COL11A1: variants seen among roughly 807,000 people sequenced by gnomAD.
COL11A1 encodes the protein collagen alpha-1(XI) chain.
In COL11A1, 74 loss-of-function variants were observed where a neutral mutation model predicts 265.2. That is an observed-to-expected ratio of 0.28 (90% CI 0.23 to 0.34). COL11A1 has a LOEUF of 0.34. COL11A1 is among the 10% of genes least tolerant of loss of function. The pLI is 1.00. For missense variants in COL11A1, 2,165 were observed against 2,263.6 expected, an observed-to-expected ratio of 0.96 and a Z score of 0.88; for synonymous variants, 816 against 727.6, an observed-to-expected ratio of 1.12 and a Z score of -1.96.
chr1:102,927,638 G>A (rs911459408), intron 46 of COL11A1, among the ~76,000 whole-genome samples: 4 of 151,150 alleles, frequency 2.6e-5, no homozygotes, highest in Admixed American at 6.6e-5. Context: ...GTGAGACGCC[G>A]TCTCAAAAAA....
At chr1:103,003,604 C>T (rs1051168154) in intron 20 of COL11A1, among the ~76,000 whole-genome samples, 22 of 152,190 alleles carry the variant, frequency 1.4e-4, no homozygotes, top group African/African-American at 5.1e-4. Flanking sequence ...CAGCATCGAA[C>T]ATTATTATTC....
At chr1:103,044,613 T>C (rs79658382) in intron 4 of COL11A1, among the ~76,000 whole-genome samples, 1,845 of 152,266 alleles carry the variant, frequency 0.012, 45 homozygotes, top group African/African-American at 0.042. Flanking sequence ...CAAATAAATT[T>C]AATTAATTAA....
intron 20 of COL11A1, among the ~76,000 whole-genome samples, chr1:103,004,237 A>AT (rs1322219629): frequency 4.6e-5 from 7 of 152,066 alleles, no homozygotes; most frequent in Admixed American, 2.6e-4. Flanking sequence ...CATTCCACAG[A>AT]TTTTTCCCTC....
At chr1:103,053,139 G>A (rs1207516810) in intron 4 of COL11A1, among the ~76,000 whole-genome samples, 1 of 152,110 alleles carries the variant, frequency 6.6e-6, no homozygotes, top group East Asian at 1.9e-4. Context: ...CAGCAAAATA[G>A]AAATCCAAAT....
chr1:103,010,703 ATT>A (rs750645755), intron 14 of COL11A1, among the ~76,000 whole-genome samples: 6 of 144,668 alleles, frequency 4.1e-5, no homozygotes, highest in Admixed American at 1.4e-4. Flanking sequence ...ATATTTGTAA[ATT>A]TTTTTTTTTT....
At chr1:103,066,426 TATATC>T (rs1248943288) in intron 4 of COL11A1, among the ~76,000 whole-genome samples, 4 of 151,676 alleles carry the variant, frequency 2.6e-5, no homozygotes, top group Admixed American at 1.3e-4. Context: ...TAGCAAGAAA[TATATC>T]ATAACATTTT....
intron 57 of COL11A1, among the ~76,000 whole-genome samples, chr1:102,893,443 C>T (rs531450722): frequency 4.2e-4 from 64 of 152,052 alleles, no homozygotes; most frequent in African/African-American, 1.5e-3. Flanking sequence ...GGTATGATAT[C>T]GAGAGCAGTT....
Position 102,912,412 on chromosome 1 carries a change from A to C in COL11A1, c.4033-200T>G, listed in dbSNP as rs11164636. Among the ~76,000 whole-genome samples, 98,388 of 151,944 alleles carry C rather than the reference A, an allele frequency of 0.65. 35,753 individuals carry two copies. Among genetic ancestry groups the C allele is most frequent in the East Asian group, 0.98 (5,073 of 5,168 alleles). On this transcript the variant is annotated intron_variant, in intron 53 of 66. Transcript: ENST00000370096. ...AGAGCTGGTAAATTTAGATGGTAAAATTATTTATAGTTAGAACAAAGTGAA... is the reference window on the plus strand; with the variant it reads ...AGAGCTGGTAAATTTAGATGGTAAACTTATTTATAGTTAGAACAAAGTGAA...
intron 31 of COL11A1, among the ~76,000 whole-genome samples, chr1:102,980,047 A>G (rs1002874491): frequency 6.6e-6 from 1 of 152,106 alleles, no homozygotes; most frequent in Non-Finnish European, 1.5e-5. Flanking sequence ...TGAAGACATA[A>G]TTTTGAGATT....
At position 102,898,753 on chromosome 1, in the gene COL11A1, A is replaced by C; in HGVS notation, c.4161T>G (p.Gly1387=). 6.2e-7 allele frequency: 1 copy of C among 1,613,214 alleles called. No homozygotes were observed. The highest frequency in any genetic ancestry group is 8.5e-7 in the Non-Finnish European group (1 of 1,179,520). ...KGAKGEAGAE[G]PPGKTGPVGP... is the part of the protein sequence containing the mutation. ...CGACTGGGCCGGTTTTTCCAGGAGG[A>C]CCTTCTGCACCTGCTTCCCCCTGTT... The change falls in exon 56 of 67, where the codon GGT becomes GGG. Residue 1387 remains glycine (G), a synonymous_variant. Coordinates refer to ENST00000370096, the MANE Select transcript of COL11A1 (RefSeq NM_001854.4).
chr1:103,085,333 G>A (rs1478777701), intron 1 of COL11A1, among the ~76,000 whole-genome samples: 3 of 152,256 alleles, frequency 2.0e-5, no homozygotes, highest in African/African-American at 7.2e-5. Flanking sequence ...ACGCAGGGCG[G>A]GAACCAGTCC....
At chr1:103,061,877 C>A (rs72987831) in intron 4 of COL11A1, among the ~76,000 whole-genome samples, 2,031 of 151,956 alleles carry the variant, frequency 0.013, 44 homozygotes, top group African/African-American at 0.046. Flanking sequence ...CAGAAAGTCA[C>A]CATAGAATTA....
Position 103,099,976 on chromosome 1 carries a change from G to T in COL11A1, c.106+8097C>A, listed in dbSNP as rs1032233028. On this transcript the variant is annotated intron_variant, in intron 1 of 66. Transcript: ENST00000370096. ...TTTTAATCTTGTTCCAGTCTTCTGG[G>T]TAAAAAAAGAATATAATTAACCTAA... Among the ~76,000 whole-genome samples the T allele has an allele frequency of 5.3e-5, 8 of 151,712 alleles. No homozygotes were observed. In the East Asian group the frequency reaches 1.6e-3, roughly 29 times the overall value.
chr1:103,074,904 G>A, intron 3 of COL11A1, 124 bp from the exon 4 acceptor site: 2 of 1,149,806 alleles, frequency 1.7e-6, no homozygotes, highest in Non-Finnish European at 2.5e-6. Context: ...AAAAAATGTA[G>A]GCTCATTTAT....
intron 54 of COL11A1, among the ~76,000 whole-genome samples, chr1:102,904,158 G>T (rs746522477): frequency 7.6e-4 from 116 of 152,038 alleles, no homozygotes; most frequent in Non-Finnish European, 1.6e-3. Context: ...TTTGTATAAG[G>T]TGTAAGGAAG....
intron 64 of COL11A1, among the ~76,000 whole-genome samples, chr1:102,882,634 A>T (rs1413891201): frequency 6.6e-6 from 1 of 152,210 alleles, no homozygotes; most frequent in Non-Finnish European, 1.5e-5. Context: ...ATGTCCACTT[A>T]TAAAATGTTT....
intron 42 of COL11A1, among the ~76,000 whole-genome samples, chr1:102,941,448 A>G (rs1658714255): frequency 6.6e-6 from 1 of 152,184 alleles, no homozygotes; most frequent in African/African-American, 2.4e-5. Flanking sequence ...TCAGATAAAG[A>G]CTTCATGGCT....
intron 37 of COL11A1, among the ~76,000 whole-genome samples, chr1:102,969,382 C>T (rs986449834): frequency 3.3e-5 from 5 of 152,116 alleles, no homozygotes; most frequent in African/African-American, 7.2e-5. Context: ...ACCACATAGT[C>T]AAAGGTAGTC....
chr1:102,979,665 G>A (rs1662849757), intron 31 of COL11A1: 5 of 599,994 alleles, frequency 8.3e-6, no homozygotes, highest in Admixed American at 7.6e-5. Context: ...TTAACCTTCT[G>A]AGTAAATGAA....
Sources: allele counts gnomAD v4.1 joint callset (sites outside exome capture counted in the v4.1 genomes callset), GRCh38; gene constraint gnomAD v4.1.1; transcripts MANE v1.5; gene names NCBI Gene and HGNC (gene_info 2026-07-23, HGNC 2026-07-21).